DOK5: variants seen among roughly 807,000 people sequenced by gnomAD.
The protein encoded by DOK5 is downstream of tyrosine kinase 5.
DOK5 carries 27 observed loss-of-function variants against 43.3 expected under a neutral mutation model. That is an observed-to-expected ratio of 0.62 (90% CI 0.46 to 0.86). The LOEUF is 0.86. Ranked by LOEUF, DOK5 falls within the 40% of genes least tolerant of loss-of-function variation. The pLI is 0.00. For missense variants in DOK5, 373 were observed against 392.9 expected, an observed-to-expected ratio of 0.95 and a Z score of 0.43; for synonymous variants, 146 against 140.1, an observed-to-expected ratio of 1.04 and a Z score of -0.30.
rs897779674 is a variant in DOK5 at position 54,633,507 on chromosome 20, G to A, written c.736-9951G>A. Among the ~76,000 whole-genome samples the A allele has an allele frequency of 9.2e-5, 14 of 152,082 alleles. 1 individual carries two copies. The highest frequency in any genetic ancestry group is 3.4e-4 in the African/African-American group (14 of 41,396). On this transcript the variant is annotated intron_variant, in intron 6 of 7. Transcript: ENST00000262593. ...TTGAAATATTGATAGAAAATTAGTTGGGTTACATATATGAAACGGAAGATA... is the reference window on the plus strand; with the variant it reads ...TTGAAATATTGATAGAAAATTAGTTAGGTTACATATATGAAACGGAAGATA...
At chr20:54,560,204 T>C (rs571794730) in intron 2 of DOK5, among the ~76,000 whole-genome samples, 21 of 152,344 alleles carry the variant, frequency 1.4e-4, no homozygotes, top group African/African-American at 5.1e-4. Context: ...CATTTCCTCT[T>C]CCGATACAGC....
chr20:54,644,343 G>A (rs1048272439), intron 7 of DOK5, among the ~76,000 whole-genome samples: 8 of 151,850 alleles, frequency 5.3e-5, no homozygotes, highest in Admixed American at 2.0e-4. Flanking sequence ...AGGCCAAGGC[G>A]GTCAGATCAC....
intron 2 of DOK5, among the ~76,000 whole-genome samples, chr20:54,579,080 A>G (rs1341235976): frequency 1.3e-5 from 2 of 152,200 alleles, no homozygotes; most frequent in African/African-American, 4.8e-5. Flanking sequence ...GATTAACAGT[A>G]TCTTTCCTGA....
chr20:54,554,641 G>A (rs537177074), intron 1 of DOK5, among the ~76,000 whole-genome samples: 1 of 151,992 alleles, frequency 6.6e-6, no homozygotes, highest in Admixed American at 6.6e-5. Flanking sequence ...TGTACATTTG[G>A]GATTTTTATC....
rs767769473 is a variant in DOK5, at chr20:54,592,541, AT to A, written c.599+752del. On this transcript the variant is annotated intron_variant, in intron 5 of 7. Transcript: ENST00000262593. ...GCTTCGTTTGGGAACACTGCAGGTA[AT>A]TTTTTTTTTTTTTTTGAGATGGAGT... Among the ~76,000 whole-genome samples, 523 of 139,880 alleles carry A rather than the reference AT, an allele frequency of 3.7e-3. 1 individual carries two copies. The highest frequency in any genetic ancestry group is 0.011 in the Middle Eastern group (3 of 276). 91.8% of individuals were successfully genotyped at this position (139,880 alleles called of 152,430 possible).
chr20:54,543,553 G>A (rs888885395), intron 1 of DOK5, among the ~76,000 whole-genome samples: 5 of 151,430 alleles, frequency 3.3e-5, no homozygotes, highest in Non-Finnish European at 7.4e-5. Flanking sequence ...GTGTGTGTGT[G>A]TGTGTGTGTG....
At chr20:54,643,409 T>A in intron 6 of DOK5, 49 bp from the exon 7 acceptor site, 1 of 1,604,216 alleles carries the variant, frequency 6.2e-7, no homozygotes, top group Non-Finnish European at 8.5e-7. Flanking sequence ...GTCAGGCCAC[T>A]TTCGGCCCCA....
intron 5 of DOK5, among the ~76,000 whole-genome samples, chr20:54,604,103 T>G (rs548852746): frequency 6.6e-6 from 1 of 151,780 alleles, no homozygotes; most frequent in Admixed American, 6.6e-5. Context: ...CCCGCCACCA[T>G]GCCCGGCTAA....
intron 1 of DOK5, among the ~76,000 whole-genome samples, chr20:54,518,952 A>G (rs1983297204): frequency 6.6e-6 from 1 of 152,360 alleles, no homozygotes; most frequent in South Asian, 2.1e-4. Flanking sequence ...CACATGAAAA[A>G]ATGCTCATCA....
intron 6 of DOK5, among the ~76,000 whole-genome samples, chr20:54,619,897 A>T (rs1600742414): frequency 6.6e-6 from 1 of 152,308 alleles, no homozygotes; most frequent in East Asian, 1.9e-4. Context: ...CTATTCAGAC[A>T]CTAAAGTAGA....
chr20:54,610,410 C>A lies in DOK5; in HGVS notation c.622C>A (p.Leu208Met), dbSNP rs1349251788. 3 of 1,585,262 alleles carry A rather than the reference C, an allele frequency of 1.9e-6. No homozygotes were observed. The Admixed American group carries it at 5.6e-5, about 29-fold the overall frequency. The change falls in exon 6 of 8, where the codon CTG (leucine) becomes ATG (methionine). Residue 208 changes from leucine (L) to methionine (M), a missense_variant. Physicochemically the swap from Leu to Met is conservative, Grantham distance 15 (BLOSUM62 2). Transcript: ENST00000262593. ...AGRMCETGEGLFIFQTRDGEA... is the reference protein window; with the variant it reads ...AGRMCETGEGMFIFQTRDGEA... ...CAGGATGTGTGAGACTGGTGAAGGG[C>A]TGTTTATCTTTCAGACCCGAGACGG...
At chr20:54,642,102 A>G (rs911934551) in intron 6 of DOK5, among the ~76,000 whole-genome samples, 1 of 152,150 alleles carries the variant, frequency 6.6e-6, no homozygotes, top group Non-Finnish European at 1.5e-5. Flanking sequence ...TTGCACCCCC[A>G]TTCTTCTTGC....
At chr20:54,548,305 A>G (rs1344397180) in intron 1 of DOK5, among the ~76,000 whole-genome samples, 2 of 151,792 alleles carry the variant, frequency 1.3e-5, no homozygotes, top group South Asian at 4.2e-4. Context: ...CACAATCTTG[A>G]CTCACTGCAG....
At chr20:54,615,555 G>T (rs1986782037) in intron 6 of DOK5, among the ~76,000 whole-genome samples, 1 of 152,090 alleles carries the variant, frequency 6.6e-6, no homozygotes, top group African/African-American at 2.4e-5. Context: ...CACGCAGCTG[G>T]CTTTGAAGGT....
At chr20:54,570,470 G>C (rs1410125987) in intron 2 of DOK5, among the ~76,000 whole-genome samples, 1 of 152,140 alleles carries the variant, frequency 6.6e-6, no homozygotes, top group African/African-American at 2.4e-5. Context: ...AAAGTGAATT[G>C]CTCACTTAAT....
rs1197371422 is a variant in DOK5, at chr20:54,588,604, C to A, written c.289+7C>A. 1 of 1,614,006 alleles carries A rather than the reference C, an allele frequency of 6.2e-7. No homozygotes were observed. Among genetic ancestry groups the A allele is most frequent in the Non-Finnish European group, 8.5e-7 (1 of 1,179,990 alleles). ...ACTTTTGCTTGCGAATCAGGTTTGT[C>A]TCAGGCAGGGCTGGGGGGCTTTTGC... On this transcript the variant is annotated splice_region_variant and intron_variant, in intron 3 of 7. Coordinates refer to ENST00000262593, the MANE Select transcript of DOK5 (RefSeq NM_018431.5).
chr20:54,626,966 G>A (rs560638230), intron 6 of DOK5, among the ~76,000 whole-genome samples: 1 of 152,330 alleles, frequency 6.6e-6, no homozygotes, highest in Non-Finnish European at 1.5e-5. Flanking sequence ...TGAAACAGCA[G>A]AGTCGAGTAG....
At chr20:54,603,546 T>C (rs1246080238) in intron 5 of DOK5, among the ~76,000 whole-genome samples, 1 of 152,214 alleles carries the variant, frequency 6.6e-6, no homozygotes, top group African/African-American at 2.4e-5. Context: ...CTCATTTTGG[T>C]CTATTTCAAT....
chr20:54,635,610 C>A (rs1042670592), intron 6 of DOK5, among the ~76,000 whole-genome samples: 8 of 152,214 alleles, frequency 5.3e-5, no homozygotes, highest in African/African-American at 1.2e-4. Context: ...CTATCTGGAT[C>A]AAACCAATGT....
Sources: allele counts gnomAD v4.1 joint callset (sites outside exome capture counted in the v4.1 genomes callset), GRCh38; gene constraint gnomAD v4.1.1; transcripts MANE v1.5; gene names NCBI Gene and HGNC (gene_info 2026-07-23, HGNC 2026-07-21).